The following MYO10 variants were observed in gnomAD, a reference collection of about 807,000 sequenced individuals.
MYO10 encodes the protein myosin X.
MYO10 carries 133 observed loss-of-function variants against 257.3 expected under a neutral mutation model. The ratio of observed to expected loss-of-function variants is 0.52; its 90% CI spans 0.45 to 0.60. The LOEUF (loss-of-function observed/expected upper bound fraction) is 0.60, where lower values mean the gene tolerates loss of function less well. Ranked by LOEUF, MYO10 falls within the 20% of genes least tolerant of loss-of-function variation. MYO10 has a pLI of 0.00. For missense variants in MYO10, 2,399 were observed against 2,635.7 expected (o/e 0.91, Z 1.97); for synonymous variants, 1,104 against 1,028.6 (o/e 1.07, Z -1.40).
At chr5:16,844,030 A>G (rs1255039944) in intron 2 of MYO10, among the ~76,000 whole-genome samples, 1 of 152,226 alleles carries the variant, frequency 6.6e-6, no homozygotes, top group Non-Finnish European at 1.5e-5. Context: ...CAGACAGCAG[A>G]TAAGTGGGTT....
intron 3 of MYO10, among the ~76,000 whole-genome samples, chr5:16,813,274 C>G (rs529912072): frequency 6.6e-6 from 1 of 152,112 alleles, no homozygotes; most frequent in Non-Finnish European, 1.5e-5. Context: ...CATCCCAACA[C>G]GTTGGAAGGC....
chr5:16,851,031 G>A (rs1046673679), intron 2 of MYO10, among the ~76,000 whole-genome samples: 2 of 151,630 alleles, frequency 1.3e-5, no homozygotes, highest in African/African-American at 2.4e-5. Context: ...TTGAACTCCT[G>A]ACCTCAGGTG....
In MYO10 at chr5:16,723,579, G is replaced by A. The variant is rs115195111; in HGVS notation, c.1930-12334C>T. ...GACAGTTTCTTAAAAGCTGAACACAGTCTTAACACATGATCCAGCGACTGC... is the reference window on the plus strand; with the variant it reads ...GACAGTTTCTTAAAAGCTGAACACAATCTTAACACATGATCCAGCGACTGC... On this transcript the variant is annotated intron_variant, in intron 19 of 40. Coordinates refer to ENST00000513610, the MANE Select transcript of MYO10 (RefSeq NM_012334.3). Among the ~76,000 whole-genome samples, 677 of 152,224 alleles carry A rather than the reference G, an allele frequency of 4.4e-3. 7 individuals are homozygous for A. The highest frequency in any genetic ancestry group is 0.016 in the African/African-American group (657 of 41,548).
In MYO10 at chr5:16,742,145, T is replaced by TAAA. The variant is rs202135181; in HGVS notation, c.1929+12680_1929+12682dup. 1.7e-5 allele frequency: 17 copies of TAAA among 984,854 alleles called. No homozygotes were observed. In the African/African-American group the frequency reaches 2.6e-4, roughly 15 times the overall value. 61.0% of individuals were successfully genotyped at this position (984,854 alleles called of 1,614,324 possible). The stretch of plus-strand genomic sequence containing the variant: ...TAAAAGCCAATCAATAATTTTTTTT[T>TAAA]AAAAAAAGTCCCAGGACAAAATCAA... On this transcript the variant is annotated intron_variant, in intron 19 of 40. Transcript: ENST00000513610.
intron 19 of MYO10, among the ~76,000 whole-genome samples, chr5:16,711,660 T>A (rs1030019452): frequency 6.6e-6 from 1 of 151,954 alleles, no homozygotes; most frequent in African/African-American, 2.4e-5. Context: ...CACGCGCCTG[T>A]AGTCCCAGCT....
At chr5:16,851,185 A>C (rs1202907233) in intron 2 of MYO10, among the ~76,000 whole-genome samples, 1 of 152,184 alleles carries the variant, frequency 6.6e-6, no homozygotes, top group Non-Finnish European at 1.5e-5. Context: ...CTGAACTTGA[A>C]GTCCTTCAGG....
chr5:16,875,154 G>A (rs531116139), intron 2 of MYO10, among the ~76,000 whole-genome samples: 1 of 152,244 alleles, frequency 6.6e-6, no homozygotes, highest in Admixed American at 6.5e-5. Context: ...TTTGGGTGGG[G>A]ACACAGCCAA....
At chr5:16,710,418 G>A (rs1012909003) in intron 21 of MYO10, among the ~76,000 whole-genome samples, 8 of 152,172 alleles carry the variant, frequency 5.3e-5, no homozygotes, top group Non-Finnish European at 1.5e-5. Context: ...ATCTTCAAAC[G>A]TAGATTTTCC....
intron 33 of MYO10, 40 bp downstream of exon 33, chr5:16,679,907 A>T: frequency 6.3e-7 from 1 of 1,599,206 alleles, no homozygotes; most frequent in South Asian, 1.1e-5. Context: ...AGAATCTCTG[A>T]GCTGTAATCA....
chr5:16,889,810 T>G (rs966187359), intron 1 of MYO10, among the ~76,000 whole-genome samples: 2 of 151,770 alleles, frequency 1.3e-5, no homozygotes, highest in Non-Finnish European at 2.9e-5. Flanking sequence ...ATGTTTGCAC[T>G]CTGCGTGAAA....
At chr5:16,798,048 T>A (rs1201214511) in intron 3 of MYO10, among the ~76,000 whole-genome samples, 2 of 152,134 alleles carry the variant, frequency 1.3e-5, no homozygotes, top group Non-Finnish European at 2.9e-5. Flanking sequence ...AAAGAGTAAG[T>A]TCGACATGCA....
rs1199860682 is a variant in MYO10, at chr5:16,763,467, C to T, written c.1494+14G>A. On this transcript the variant is annotated intron_variant, in intron 14 of 40. Coordinates refer to ENST00000513610, the MANE Select transcript of MYO10 (RefSeq NM_012334.3). ...CCCCCTTGGGACTGTAACCATTCTT[C>T]AAAAATACATTACCTTCTCAATCAA... 1 of 1,602,956 alleles carries T rather than the reference C, an allele frequency of 6.2e-7. No homozygotes were observed. Among genetic ancestry groups the T allele is most frequent in the Non-Finnish European group, 8.5e-7 (1 of 1,169,904 alleles).
At chr5:16,764,936 G>A (rs752939059) in intron 11 of MYO10, among the ~76,000 whole-genome samples, 4 of 152,046 alleles carry the variant, frequency 2.6e-5, no homozygotes, top group Admixed American at 6.6e-5. Flanking sequence ...TGATCTGCCC[G>A]CCTCAGCCTC....
At chr5:16,811,044 G>C (rs1742421358) in intron 3 of MYO10, among the ~76,000 whole-genome samples, 1 of 149,702 alleles carries the variant, frequency 6.7e-6, no homozygotes, top group African/African-American at 2.5e-5. Context: ...ACTCCAGCCT[G>C]GGCGAAAGAG....
At chr5:16,741,915 T>G in intron 19 of MYO10, 8 of 985,448 alleles carry the variant, frequency 8.1e-6, no homozygotes, top group Non-Finnish European at 9.6e-6. Flanking sequence ...TTTCTTCGGC[T>G]GGCTGGTGTT....
At chr5:16,776,880 T>C (rs958956402) in intron 9 of MYO10, among the ~76,000 whole-genome samples, 4 of 152,202 alleles carry the variant, frequency 2.6e-5, no homozygotes, top group African/African-American at 9.6e-5. Context: ...GCAGTGACAC[T>C]GCCATGTGGA....
intron 15 of MYO10, 24 bp downstream of exon 15, chr5:16,762,521 G>A (rs772247010): frequency 3.2e-6 from 5 of 1,549,788 alleles, no homozygotes; most frequent in South Asian, 2.3e-5. Flanking sequence ...CCAATGTGAT[G>A]AAGAATTGCA....
intron 19 of MYO10, among the ~76,000 whole-genome samples, chr5:16,720,237 CCAAA>C: frequency 6.6e-6 from 1 of 152,180 alleles, no homozygotes; most frequent in East Asian, 1.9e-4. Flanking sequence ...CCCCAGAAAG[CCAAA>C]CAAAGGAGCT....
In MYO10 at chr5:16,801,884, T is replaced by C. The variant is rs368110916; in HGVS notation, c.280-7051A>G. Among the ~76,000 whole-genome samples, 11 of 152,194 alleles carry C rather than the reference T, an allele frequency of 7.2e-5. No individual in the cohort carries two copies. In the South Asian group the frequency reaches 2.3e-3, roughly 31 times the overall value. On this transcript the variant is annotated intron_variant, in intron 3 of 40. Transcript: ENST00000513610. ...CCAAAAGGTAGAAGCAACCCATGTG[T>C]CTGCCAATAAATGAACAGATACAAA...
Sources: gnomAD v4.1 joint callset for allele counts (sites outside exome capture counted in the v4.1 genomes callset) on GRCh38, gnomAD v4.1.1 for gene constraint, MANE v1.5 for transcripts, NCBI Gene and HGNC (gene_info 2026-07-23, HGNC 2026-07-21) for gene names.